The following SNTB1 variants were observed in gnomAD, a reference collection of about 807,000 sequenced individuals.
SNTB1 encodes the protein beta-1-syntrophin.
SNTB1 carries 36 observed loss-of-function variants against 48.9 expected under a neutral mutation model. The observed-to-expected ratio is 0.74, with a 90% CI of 0.56 to 0.97. The LOEUF (loss-of-function observed/expected upper bound fraction) is 0.97. Ranked by LOEUF, SNTB1 falls within the 50% of genes least tolerant of loss-of-function variation. The probability of loss-of-function intolerance (pLI) is 0.00; values close to 1 mark genes in which losing one functional copy is unlikely to be tolerated. For synonymous variants in SNTB1, 299 were observed against 294.6 expected, an observed-to-expected ratio of 1.01 and a Z score of -0.15; for missense variants, 786 against 703.4, an observed-to-expected ratio of 1.12 and a Z score of -1.33.
intron 1 of SNTB1, among the ~76,000 whole-genome samples, chr8:120,777,227 G>T (rs188359881): frequency 6.6e-6 from 1 of 152,236 alleles, no homozygotes; most frequent in Non-Finnish European, 1.5e-5. Context: ...GATAAATAGG[G>T]GCCTCAAAAG....
At chr8:120,596,897 A>G (rs1816335519) in intron 3 of SNTB1, among the ~76,000 whole-genome samples, 1 of 152,240 alleles carries the variant, frequency 6.6e-6, no homozygotes, top group African/African-American at 2.4e-5. Flanking sequence ...CTTTAATTAC[A>G]TATGCAGAGG....
chr8:120,731,541 T>A (rs1252102780), intron 1 of SNTB1, among the ~76,000 whole-genome samples: 2 of 152,228 alleles, frequency 1.3e-5, no homozygotes, highest in African/African-American at 4.8e-5. Context: ...CGTCTAGTCC[T>A]GATTGCTTAA....
chr8:120,777,283 A>G (rs960298302), intron 1 of SNTB1, among the ~76,000 whole-genome samples: 1 of 152,206 alleles, frequency 6.6e-6, no homozygotes, highest in East Asian at 1.9e-4. Flanking sequence ...ACCATGCATC[A>G]CAATCTTGAC....
At chr8:120,755,162 GTGT>G (rs1197814925) in intron 1 of SNTB1, among the ~76,000 whole-genome samples, 7 of 135,676 alleles carry the variant, frequency 5.2e-5, no homozygotes, top group African/African-American at 2.3e-4. Context: ...GTGTGTGTGT[GTGT>G]GTGTGTGAGA....
intron 5 of SNTB1, among the ~76,000 whole-genome samples, chr8:120,542,439 A>C (rs988721730): frequency 4.6e-5 from 7 of 152,164 alleles, no homozygotes; most frequent in African/African-American, 1.4e-4. Context: ...AGATCACTTG[A>C]GGTCAGGAGT....
At chr8:120,562,566 T>C (rs936988226) in intron 4 of SNTB1, among the ~76,000 whole-genome samples, 3 of 152,162 alleles carry the variant, frequency 2.0e-5, no homozygotes, top group Admixed American at 6.5e-5. Context: ...TTATTGGGCA[T>C]GTAAATTTCT....
chr8:120,731,347 T>C (rs763436230), intron 1 of SNTB1, among the ~76,000 whole-genome samples: 4 of 152,148 alleles, frequency 2.6e-5, no homozygotes, highest in Non-Finnish European at 5.9e-5. Context: ...ACAACCACAA[T>C]ATACAGGAAA....
At chr8:120,749,324 T>A (rs1587132824) in intron 1 of SNTB1, among the ~76,000 whole-genome samples, 1 of 152,206 alleles carries the variant, frequency 6.6e-6, no homozygotes, top group East Asian at 1.9e-4. Context: ...CTTCTGTACA[T>A]GTTTGCAGAA....
chr8:120,751,476 T>A (rs769879087), intron 1 of SNTB1, among the ~76,000 whole-genome samples: 2 of 114,360 alleles, frequency 1.7e-5, no homozygotes, highest in South Asian at 5.6e-4. Flanking sequence ...AAAGGATACT[T>A]TTTTTTTGTG....
intron 1 of SNTB1, among the ~76,000 whole-genome samples, chr8:120,806,634 G>A (rs550245230): frequency 6.6e-6 from 1 of 152,280 alleles, no homozygotes; most frequent in African/African-American, 2.4e-5. Flanking sequence ...CTGGGTCTGA[G>A]TTTATAGGAT....
At chr8:120,777,023 T>G (rs1175753302) in intron 1 of SNTB1, among the ~76,000 whole-genome samples, 2 of 152,158 alleles carry the variant, frequency 1.3e-5, no homozygotes, top group African/African-American at 4.8e-5. Context: ...ATAGTAAGCA[T>G]CTAATACCAA....
intron 3 of SNTB1, among the ~76,000 whole-genome samples, chr8:120,623,805 T>TGC (rs1321202636): frequency 1.6e-4 from 24 of 152,322 alleles, no homozygotes; most frequent in Non-Finnish European, 2.9e-4. Flanking sequence ...CTGGAACACA[T>TGC]CTATTTCATA....
chr8:120,784,291 G>C (rs1457392535), intron 1 of SNTB1, among the ~76,000 whole-genome samples: 2 of 149,750 alleles, frequency 1.3e-5, no homozygotes, highest in African/African-American at 5.0e-5. Flanking sequence ...ACTGTGCCCA[G>C]CCTGCACCAT....
chr8:120,605,355 A>T (rs761165978), intron 3 of SNTB1, among the ~76,000 whole-genome samples: 1 of 152,130 alleles, frequency 6.6e-6, no homozygotes, highest in Non-Finnish European at 1.5e-5. Flanking sequence ...TTTCCTATGG[A>T]GACATCAAGC....
chr8:120,656,599 A>G (rs1343526838), intron 2 of SNTB1, among the ~76,000 whole-genome samples: 1 of 152,242 alleles, frequency 6.6e-6, no homozygotes, highest in Non-Finnish European at 1.5e-5. Context: ...TATGCAGGGC[A>G]AATAAATGTG....
At chr8:120,609,393 C>G (rs1816581564) in intron 3 of SNTB1, among the ~76,000 whole-genome samples, 2 of 152,150 alleles carry the variant, frequency 1.3e-5, no homozygotes, top group South Asian at 4.2e-4. Context: ...TCAACATATG[C>G]TGGGGATCAA....
chr8:120,576,817 C>A (rs1218784558), intron 3 of SNTB1, among the ~76,000 whole-genome samples: 1 of 152,066 alleles, frequency 6.6e-6, no homozygotes, highest in Non-Finnish European at 1.5e-5. Flanking sequence ...ATTAAATGAG[C>A]TAAAATTTGT....
At chr8:120,808,273 TGAA>T (rs1393382742) in intron 1 of SNTB1, among the ~76,000 whole-genome samples, 1 of 152,178 alleles carries the variant, frequency 6.6e-6, no homozygotes, top group Non-Finnish European at 1.5e-5. Context: ...ATCAGGAAAA[TGAA>T]TAATAACAAC....
At chr8:120,773,428 G>A (rs1819675521) in intron 1 of SNTB1, among the ~76,000 whole-genome samples, 1 of 152,208 alleles carries the variant, frequency 6.6e-6, no homozygotes, top group Non-Finnish European at 1.5e-5. Flanking sequence ...TACCCTGGAA[G>A]AATTCCAGAT....
Sources: allele counts gnomAD v4.1 joint callset (sites outside exome capture counted in the v4.1 genomes callset), GRCh38; gene constraint gnomAD v4.1.1; transcripts MANE v1.5; gene names NCBI Gene and HGNC (gene_info 2026-07-23, HGNC 2026-07-21).